The following PAMR1 variants were observed in gnomAD, a reference collection of about 807,000 sequenced individuals.
PAMR1 encodes inactive serine protease PAMR1.
A neutral mutation model predicts 81.8 loss-of-function variants in PAMR1; 88 were observed. That is an observed-to-expected ratio of 1.08 (90% CI 0.91 to 1.28). The LOEUF is 1.28. Among genes scored for constraint, PAMR1 ranks in the 50% most tolerant of loss-of-function variants. The pLI is 0.00. For missense variants in PAMR1, 935 were observed against 919.7 expected (o/e 1.02, Z -0.21); for synonymous variants, 336 against 345.3 (o/e 0.97, Z 0.30).
intron 9 of PAMR1, among the ~76,000 whole-genome samples, chr11:35,435,667 A>G (rs975934873): frequency 2.6e-5 from 4 of 152,148 alleles, no homozygotes; most frequent in African/African-American, 7.2e-5. Flanking sequence ...CATTTTTTCC[A>G]AGTAAATATG....
intron 7 of PAMR1, among the ~76,000 whole-genome samples, chr11:35,440,356 T>C (rs1231733931): frequency 6.6e-6 from 1 of 152,226 alleles, no homozygotes; most frequent in African/African-American, 2.4e-5. Context: ...CAAGGACATA[T>C]GTGACACCGT....
chr11:35,516,687 G>A (rs1039353644), intron 1 of PAMR1, among the ~76,000 whole-genome samples: 3 of 152,172 alleles, frequency 2.0e-5, no homozygotes, highest in African/African-American at 7.2e-5. Context: ...CTGTCTCTAT[G>A]GGATACAGCC....
intron 3 of PAMR1, among the ~76,000 whole-genome samples, chr11:35,482,138 A>G (rs547345130): frequency 1.3e-5 from 2 of 152,214 alleles, no homozygotes; most frequent in South Asian, 4.2e-4. Flanking sequence ...GGTGTTGCCT[A>G]TGTTTTCTTC....
chr11:35,485,267 A>G lies in PAMR1; in HGVS notation c.379+6778T>C, dbSNP rs987968003. On this transcript the variant is annotated intron_variant, in intron 3 of 10. Coordinates refer to ENST00000619888, the MANE Select transcript of PAMR1 (RefSeq NM_001001991.3). ...ATGAAACAGAAAAAAATTAAAATTC[A>G]TGAGTCTTAAAGTGCAGAAAAAGAG... is the stretch of plus-strand genomic sequence containing the variant. Among the ~76,000 whole-genome samples, 68 of 152,200 alleles carry G rather than the reference A, an allele frequency of 4.5e-4. 1 individual carries two copies. The highest frequency in any genetic ancestry group is 1.5e-4 in the Non-Finnish European group (10 of 68,030).
At chr11:35,469,593 A>G (rs1352757987) in intron 5 of PAMR1, among the ~76,000 whole-genome samples, 2 of 152,208 alleles carry the variant, frequency 1.3e-5, no homozygotes, top group African/African-American at 4.8e-5. Context: ...CAGAGACTGT[A>G]GAGAGCACCT....
At chr11:35,443,152 A>G (rs578110058) in intron 6 of PAMR1, among the ~76,000 whole-genome samples, 1 of 151,872 alleles carries the variant, frequency 6.6e-6, no homozygotes, top group African/African-American at 2.4e-5. Context: ...TCATCCCTAT[A>G]AAACAGTCTC....
chr11:35,434,452 C>T (rs1855985177), intron 10 of PAMR1, 60 bp downstream of exon 10: 3 of 1,535,540 alleles, frequency 2.0e-6, no homozygotes, highest in Non-Finnish European at 2.7e-6. Context: ...TCACTGCTCT[C>T]CCGTGCTTGG....
At chr11:35,504,330 G>C (rs597762) in intron 1 of PAMR1, among the ~76,000 whole-genome samples, 47,576 of 152,026 alleles carry the variant, frequency 0.31, 7,529 homozygotes, top group African/African-American at 0.37. Context: ...TTCGCCTCTA[G>C]TTATCTTTTT....
intron 6 of PAMR1, among the ~76,000 whole-genome samples, chr11:35,453,005 G>A (rs1856451801): frequency 6.6e-6 from 1 of 152,158 alleles, no homozygotes; most frequent in African/African-American, 2.4e-5. Context: ...ATAAATATTT[G>A]TTGGTGGGTG....
At chr11:35,460,137 C>G (rs1348326339) in intron 6 of PAMR1, among the ~76,000 whole-genome samples, 1 of 152,206 alleles carries the variant, frequency 6.6e-6, no homozygotes, top group Non-Finnish European at 1.5e-5. Flanking sequence ...TAATGCCCTG[C>G]AAGGGGAGGG....
intron 6 of PAMR1, among the ~76,000 whole-genome samples, chr11:35,462,733 TA>T (rs940811136): frequency 3.9e-5 from 6 of 152,198 alleles, no homozygotes; most frequent in Admixed American, 1.3e-4. Flanking sequence ...AATTTGGTAT[TA>T]TTTTTCTGGA....
At chr11:35,529,158 T>A (rs763627915), upstream of PAMR1, among the ~76,000 whole-genome samples, 1 of 152,218 alleles carries the variant, frequency 6.6e-6, no homozygotes, top group African/African-American at 2.4e-5. Context: ...TCAAGGATTC[T>A]TAATCTGGAA....
intron 6 of PAMR1, among the ~76,000 whole-genome samples, chr11:35,461,391 G>A (rs1856651766): frequency 6.6e-6 from 1 of 152,104 alleles, no homozygotes; most frequent in Non-Finnish European, 1.5e-5. Flanking sequence ...CTAGGTATTT[G>A]GCTAGAATGC....
At chr11:35,487,269 C>G (rs1285914684) in intron 3 of PAMR1, among the ~76,000 whole-genome samples, 6 of 151,726 alleles carry the variant, frequency 4.0e-5, no homozygotes, top group Admixed American at 3.9e-4. Flanking sequence ...AAAGCTTCAA[C>G]TTAGAAACTC....
In PAMR1 at chr11:35,443,190, T is replaced by A. The variant is rs1010267009; in HGVS notation, c.821-1497A>T. Among the ~76,000 whole-genome samples, 3 of 152,018 alleles carry A rather than the reference T, an allele frequency of 2.0e-5. No individual in the cohort carries two copies. The South Asian group carries it at 6.2e-4, about 32-fold the overall frequency. On this transcript the variant is annotated intron_variant, in intron 6 of 10. Coordinates refer to ENST00000619888, the MANE Select transcript of PAMR1 (RefSeq NM_001001991.3). ...TGCAATGCAACTGTGCTTTTTTTTTTTCCTTCCTTCTTTTTATTTTTATTT... is the reference window on the plus strand; with the variant it reads ...TGCAATGCAACTGTGCTTTTTTTTTATCCTTCCTTCTTTTTATTTTTATTT...
intron 6 of PAMR1, 109 bp from the exon 7 acceptor site, chr11:35,441,802 G>A (rs1017279426): frequency 1.7e-5 from 11 of 660,432 alleles, no homozygotes; most frequent in East Asian, 1.2e-4. Flanking sequence ...TATAGGATCT[G>A]GTGCTCAAAA....
intron 3 of PAMR1, among the ~76,000 whole-genome samples, chr11:35,480,239 C>T (rs988009916): frequency 5.9e-5 from 9 of 152,194 alleles, no homozygotes; most frequent in African/African-American, 2.2e-4. Flanking sequence ...CCCCACCACC[C>T]CATGTCAAAT....
At chr11:35,433,418 C>T (rs1487612079) in intron 10 of PAMR1, among the ~76,000 whole-genome samples, 1 of 152,194 alleles carries the variant, frequency 6.6e-6, no homozygotes, top group Admixed American at 6.5e-5. Context: ...TTCCACAAGA[C>T]TTTTCCACAA....
At chr11:35,462,200 C>G (rs1856670489) in intron 6 of PAMR1, among the ~76,000 whole-genome samples, 5 of 152,188 alleles carry the variant, frequency 3.3e-5, no homozygotes, top group Admixed American at 2.0e-4. Context: ...TAACATGATG[C>G]TTTGAGCAAC....
Sources: allele counts gnomAD v4.1 joint callset (sites outside exome capture counted in the v4.1 genomes callset), GRCh38; gene constraint gnomAD v4.1.1; transcripts MANE v1.5; gene names NCBI Gene and HGNC (gene_info 2026-07-23, HGNC 2026-07-21).